CD6: variants seen among roughly 807,000 people sequenced by gnomAD.
CD6 encodes T-cell differentiation antigen CD6.
A neutral mutation model predicts 75.3 loss-of-function variants in CD6; 53 were observed. That is an observed-to-expected ratio of 0.70 (90% confidence interval 0.56 to 0.88). The LOEUF is 0.88. CD6 is among the 40% of genes least tolerant of loss of function. The pLI is 0.00. For synonymous variants in CD6, 359 were observed against 381.5 expected, an observed-to-expected ratio of 0.94 and a Z score of 0.69; for missense variants, 770 against 897.1, an observed-to-expected ratio of 0.86 and a Z score of 1.81.
At chr11:60,995,983 C>G (rs1227734901) in intron 1 of CD6, among the ~76,000 whole-genome samples, 1 of 152,160 alleles carries the variant, frequency 6.6e-6, no homozygotes, top group Non-Finnish European at 1.5e-5. Context: ...CTTCCTGCCT[C>G]TCGCCCTTGG....
rs1858896469 is a variant in CD6 at position 61,007,071 on chromosome 11, G to A, written c.118+429G>A. On this transcript the variant is annotated intron_variant, in intron 2 of 12. Transcript: ENST00000313421. The surrounding 1 kb of genome is among the most constrained non-coding windows in gnomAD (Gnocchi z 4.2). The stretch of plus-strand genomic sequence containing the variant: ...TCTGGGGAAGTGAGGACCACCATCA[G>A]CTGAAGCAGCCCATCATCAACCCCA... Among the ~76,000 whole-genome samples the A allele has an allele frequency of 6.6e-6, 1 of 152,126 alleles. No individual in the cohort carries two copies. The highest frequency in any genetic ancestry group is 6.5e-5 in the Admixed American group (1 of 15,274).
At chr11:60,982,209 G>C (rs1183216013) in intron 1 of CD6, among the ~76,000 whole-genome samples, 1 of 149,664 alleles carries the variant, frequency 6.7e-6, no homozygotes, top group Non-Finnish European at 1.5e-5. Context: ...GGGGCTTCTT[G>C]GGGGTCCCAT....
intron 1 of CD6, among the ~76,000 whole-genome samples, chr11:60,995,920 G>A (rs1858277557): frequency 6.6e-6 from 1 of 152,136 alleles, no homozygotes; most frequent in African/African-American, 2.4e-5. Context: ...CTCAGTGCTG[G>A]TTGACACTTG....
intron 7 of CD6, 72 bp from the exon 8 acceptor site, chr11:61,013,847 A>G: frequency 9.2e-7 from 1 of 1,088,072 alleles, no homozygotes; most frequent in South Asian, 1.5e-5. Flanking sequence ...GTCGATGAGA[A>G]CAGAACGGAA....
At chr11:60,990,938 G>C (rs916336454) in intron 1 of CD6, among the ~76,000 whole-genome samples, 10 of 151,862 alleles carry the variant, frequency 6.6e-5, no homozygotes, top group African/African-American at 2.4e-4. Context: ...TTTATTTCCA[G>C]CTGATGGATG....
intron 1 of CD6, among the ~76,000 whole-genome samples, chr11:60,987,640 C>T (rs979915847): frequency 1.2e-4 from 18 of 151,986 alleles, no homozygotes; most frequent in Non-Finnish European, 2.1e-4. Context: ...TTAATCTCTC[C>T]TCCTAGCCCA....
In CD6 at chr11:61,019,918, A is replaced by G; in HGVS notation, c.*600A>G. 2.6e-6 allele frequency: 1 copy of G among 385,094 alleles called. No individual in the cohort carries two copies. Among genetic ancestry groups the G allele is most frequent in the Non-Finnish European group, 4.6e-6 (1 of 218,108 alleles). 23.9% of individuals were successfully genotyped at this position (385,094 alleles called of 1,614,324 possible). A position where few individuals can be genotyped will look rare whatever the true frequency, so the allele number is the denominator to read the frequency against. ...GAATATAGCCTTCCTGGGCACAACT[A>G]GCTGACAATGACAGGTTGACTGTGT... On this transcript the variant is annotated 3_prime_UTR_variant, in exon 13 of 13. Transcript: ENST00000313421.
Position 60,971,918 on chromosome 11 carries a change from G to C in CD6, c.49+4G>C. 1 of 1,613,834 alleles carries C rather than the reference G, an allele frequency of 6.2e-7. No individual in the cohort carries two copies. Among genetic ancestry groups the C allele is most frequent in the Non-Finnish European group, 8.5e-7 (1 of 1,179,922 alleles). ...TTGCTGACGGCAGCCCTCTCAGGTA[G>C]GCCCCCTTCCCTCATCTCCTGCCAC... On this transcript the variant is annotated splice_donor_region_variant and intron_variant, in intron 1 of 12. Transcript: ENST00000313421.
chr11:61,009,827 A>T lies in CD6; in HGVS notation c.1037A>T (p.Asn346Ile), dbSNP rs1859061778. The part of the protein sequence containing the change: ...TLSNCSWRFN[N>I]SNLCSQSLAA... The stretch of plus-strand genomic sequence containing the variant: ...TCCAACTGCTCCTGGCGGTTCAACA[A>T]CTCCAACCTCTGCAGCCAGTCGCTG... Residue 346 changes from asparagine to isoleucine, a missense_variant, in exon 5 of 13, where the codon AAC (asparagine) becomes ATC (isoleucine). By Grantham distance (149) the Asn-to-Ile change is moderately radical. Coordinates refer to ENST00000313421, the MANE Select transcript of CD6 (RefSeq NM_006725.5). 4 of 1,581,158 alleles carry T rather than the reference A, an allele frequency of 2.5e-6. No individual in the cohort carries two copies. The highest frequency in any genetic ancestry group is 2.7e-5 in the African/African-American group (2 of 74,050).
chr11:60,989,453 A>C (rs1007306071), intron 1 of CD6: 1 of 152,166 alleles, frequency 6.6e-6, no homozygotes. Flanking sequence ...CAGCCCCACC[A>C]CTTGCAGAGC....
At chr11:61,018,441 G>A (rs1014774122) in intron 12 of CD6, 48 bp downstream of exon 12, 5 of 1,390,840 alleles carry the variant, frequency 3.6e-6, no homozygotes, top group Non-Finnish European at 4.0e-6. Flanking sequence ...GAGAGGGACT[G>A]GGGAGTAAAT....
At chr11:61,017,397 C>T in intron 9 of CD6, 82 bp from the exon 10 acceptor site, 1 of 1,130,838 alleles carries the variant, frequency 8.8e-7, no homozygotes, top group Non-Finnish European at 1.3e-6. Flanking sequence ...TACCCAGGCC[C>T]CGGGAAATCC....
chr11:61,011,277 T>TC, intron 6 of CD6, 142 bp downstream of exon 6: 2 of 677,274 alleles, frequency 3.0e-6, no homozygotes, highest in Non-Finnish European at 2.6e-6. Context: ...TGGACTTGCC[T>TC]CCCCGGGGCT....
chr11:60,981,341 G>A (rs1425581729), intron 1 of CD6, among the ~76,000 whole-genome samples: 1 of 152,122 alleles, frequency 6.6e-6, no homozygotes, highest in African/African-American at 2.4e-5. Flanking sequence ...CTCCAAATCC[G>A]TTGCTTTTTC....
At chr11:61,000,635 G>A (rs1025164927) in intron 1 of CD6, among the ~76,000 whole-genome samples, 12 of 152,204 alleles carry the variant, frequency 7.9e-5, no homozygotes, top group African/African-American at 2.2e-4. Context: ...GCTGGCCAGC[G>A]GGAGGCTCAG....
chr11:60,973,062 C>T (rs1176182362), intron 1 of CD6, among the ~76,000 whole-genome samples: 5 of 152,182 alleles, frequency 3.3e-5, no homozygotes, highest in Admixed American at 6.5e-5. Flanking sequence ...ACAGACTGTC[C>T]GAGAGTGGCC....
intron 1 of CD6, among the ~76,000 whole-genome samples, chr11:60,980,766 G>C (rs7930906): frequency 0.015 from 2,337 of 152,210 alleles, 62 homozygotes; most frequent in African/African-American, 0.054. Context: ...CTTGAAACCG[G>C]GAGGCGGAAG....
chr11:60,988,265 G>A (rs1238474092), intron 1 of CD6, among the ~76,000 whole-genome samples: 1 of 152,194 alleles, frequency 6.6e-6, no homozygotes, highest in Non-Finnish European at 1.5e-5. Context: ...GCACACAGTG[G>A]GCATTCAGAT....
intron 1 of CD6, among the ~76,000 whole-genome samples, chr11:60,974,534 C>T (rs537747161): frequency 6.6e-6 from 1 of 152,294 alleles, no homozygotes; most frequent in African/African-American, 2.4e-5. Context: ...AGTGAGCCAC[C>T]GCGCCCAGCC....
Sources: gnomAD v4.1 joint callset for allele counts (sites outside exome capture counted in the v4.1 genomes callset) on GRCh38, gnomAD v4.1.1 for gene constraint, Gnocchi (gnomAD v3.1) non-coding constraint, MANE v1.5 for transcripts, NCBI Gene and HGNC (gene_info 2026-07-23, HGNC 2026-07-21) for gene names.